The following TMTC1 variants were observed in gnomAD, a reference collection of about 807,000 sequenced individuals.
The protein encoded by TMTC1 is protein O-mannosyl-transferase TMTC1.
Under a neutral mutation model 104.8 loss-of-function variants are expected in TMTC1, and 73 were observed. That is an observed-to-expected ratio of 0.70 (90% CI 0.58 to 0.85). The LOEUF (loss-of-function observed/expected upper bound fraction) is 0.85, where lower values mean the gene tolerates loss of function less well. Among genes scored for constraint, TMTC1 ranks in the 40% least tolerant of loss-of-function variants. The pLI is 0.00. For synonymous variants in TMTC1, 434 were observed against 428.7 expected, an observed-to-expected ratio of 1.01 and a Z score of -0.15; for missense variants, 1,035 against 1,096.1, an observed-to-expected ratio of 0.94 and a Z score of 0.79.
intron 6 of TMTC1, among the ~76,000 whole-genome samples, chr12:29,621,077 CA>C (rs1372191599): frequency 6.6e-6 from 1 of 151,976 alleles, no homozygotes; most frequent in Non-Finnish European, 1.5e-5. Flanking sequence ...ATTGAGGTTA[CA>C]AAAAGAATAG....
intron 5 of TMTC1, among the ~76,000 whole-genome samples, chr12:29,638,901 T>G (rs1938697389): frequency 6.6e-6 from 1 of 152,178 alleles, no homozygotes; most frequent in Non-Finnish European, 1.5e-5. Context: ...GAATTACCAT[T>G]GATGTTTCAA....
In TMTC1 at chr12:29,695,793, T is replaced by TTATATATATATATA. The variant is rs113135039; in HGVS notation, c.938+55859_938+55872dup. Reference sequence around the variant, plus strand: ...TCACAAATTTTAAACTACTTCCTTTTTATATATATATATATATATATATAT... The same window carrying TTATATATATATATA: ...TCACAAATTTTAAACTACTTCCTTTTTATATATATATATATATATATATATATATATATATATAT... On this transcript the variant is annotated intron_variant, in intron 5 of 17. Transcript: ENST00000539277. Among the ~76,000 whole-genome samples, 477 of 83,550 alleles carry TTATATATATATATA rather than the reference T, an allele frequency of 5.7e-3. 13 individuals carry two copies. Among genetic ancestry groups the TTATATATATATATA allele is most frequent in the East Asian group, 8.5e-3 (25 of 2,924 alleles). The allele number at this position is 83,550 out of a possible 152,430, so 54.8% of individuals were successfully genotyped here. A position where few individuals can be genotyped will look rare whatever the true frequency, so the allele number is the denominator to read the frequency against.
intron 5 of TMTC1, among the ~76,000 whole-genome samples, chr12:29,672,831 G>A (rs1022502119): frequency 4.6e-5 from 7 of 152,158 alleles, no homozygotes; most frequent in Non-Finnish European, 1.0e-4. Flanking sequence ...GCAGACAAAG[G>A]CCTGCAGTAA....
intron 5 of TMTC1, among the ~76,000 whole-genome samples, chr12:29,702,487 C>T (rs1183202593): frequency 2.0e-5 from 3 of 152,156 alleles, no homozygotes; most frequent in Non-Finnish European, 4.4e-5. Flanking sequence ...TGGCACATGG[C>T]CCTCTCTGTA....
rs1162086826 is a variant in TMTC1, at chr12:29,553,478, G to T, written c.1676+3379C>A. Among the ~76,000 whole-genome samples the T allele has an allele frequency of 2.0e-5, 3 of 152,156 alleles. No homozygotes were observed. In the East Asian group the frequency reaches 5.8e-4, roughly 29 times the overall value. On this transcript the variant is annotated intron_variant, in intron 10 of 17. Transcript: ENST00000539277. ...TCTATGGTGTAACAGGCAAGAGGAGGTAAACAAGGATAACTTGTTTGGACC... is the reference window on the plus strand; with the variant it reads ...TCTATGGTGTAACAGGCAAGAGGAGTTAAACAAGGATAACTTGTTTGGACC...
At chr12:29,573,448 C>G (rs1945736531) in intron 8 of TMTC1, among the ~76,000 whole-genome samples, 1 of 152,128 alleles carries the variant, frequency 6.6e-6, no homozygotes. Context: ...ACACACTGTG[C>G]CAGGTGCTGG....
At chr12:29,667,854 C>A (rs1940343178) in intron 5 of TMTC1, among the ~76,000 whole-genome samples, 1 of 152,182 alleles carries the variant, frequency 6.6e-6, no homozygotes, top group Non-Finnish European at 1.5e-5. Context: ...TTAATAGGCA[C>A]TAATCACTGT....
At chr12:29,699,539 A>AT (rs1462037793) in intron 5 of TMTC1, among the ~76,000 whole-genome samples, 2 of 152,168 alleles carry the variant, frequency 1.3e-5, no homozygotes, top group East Asian at 3.9e-4. Context: ...GCGACATGTA[A>AT]CCTATTGCAC....
In TMTC1 at chr12:29,557,691, C is replaced by T. The variant is rs138541584; in HGVS notation, c.1533-691G>A. Among the ~76,000 whole-genome samples the T allele has an allele frequency of 7.1e-4, 108 of 151,744 alleles. No homozygotes were observed. In the East Asian group the frequency reaches 0.019, roughly 26 times the overall value. Reference sequence around the variant, plus strand: ...TCTCGAACCCCTGACCTCAGGTGATCCACCTGGCTCAGCCTCCCAAAGTGC... The same window carrying T: ...TCTCGAACCCCTGACCTCAGGTGATTCACCTGGCTCAGCCTCCCAAAGTGC... On this transcript the variant is annotated intron_variant, in intron 9 of 17. Coordinates refer to ENST00000539277, the MANE Select transcript of TMTC1 (RefSeq NM_001193451.2).
At chr12:29,555,837 C>T (rs999466647) in intron 10 of TMTC1, among the ~76,000 whole-genome samples, 19 of 152,074 alleles carry the variant, frequency 1.2e-4, no homozygotes, top group African/African-American at 4.3e-4. Flanking sequence ...TGGGTATATA[C>T]CCAGTAATGG....
At chr12:29,755,176 C>T (rs1383730063) in intron 4 of TMTC1, among the ~76,000 whole-genome samples, 4 of 152,098 alleles carry the variant, frequency 2.6e-5, no homozygotes, top group Non-Finnish European at 5.9e-5. Context: ...ACTAAATAAG[C>T]TTGTTCATTA....
At chr12:29,646,371 T>A (rs1018014393) in intron 5 of TMTC1, among the ~76,000 whole-genome samples, 2 of 152,220 alleles carry the variant, frequency 1.3e-5, no homozygotes, top group Admixed American at 1.3e-4. Flanking sequence ...AAAAGCAATA[T>A]TGGCCTTTAT....
At chr12:29,753,725 G>A (rs956189843) in intron 4 of TMTC1, among the ~76,000 whole-genome samples, 1 of 152,194 alleles carries the variant, frequency 6.6e-6, no homozygotes, top group African/African-American at 2.4e-5. Flanking sequence ...CAACATCTTA[G>A]ATGCTCTTTG....
At chr12:29,721,840 T>A (rs1942245520) in intron 5 of TMTC1, among the ~76,000 whole-genome samples, 1 of 151,944 alleles carries the variant, frequency 6.6e-6, no homozygotes, top group Non-Finnish European at 1.5e-5. Context: ...TTTAAGGAAA[T>A]ATTTCTTTAA....
chr12:29,756,425 A>G (rs1943217777), intron 3 of TMTC1, among the ~76,000 whole-genome samples: 1 of 152,250 alleles, frequency 6.6e-6, no homozygotes, highest in South Asian at 2.1e-4. Context: ...ATATGCTTCC[A>G]TACATAAAAC....
At chr12:29,647,555 G>A (rs750834379) in intron 5 of TMTC1, among the ~76,000 whole-genome samples, 4 of 152,190 alleles carry the variant, frequency 2.6e-5, no homozygotes, top group Non-Finnish European at 5.9e-5. Context: ...CTAAGGTTTT[G>A]TGTCTCTTTA....
chr12:29,624,915 T>C (rs1937897051), intron 6 of TMTC1, among the ~76,000 whole-genome samples: 1 of 152,206 alleles, frequency 6.6e-6, no homozygotes. Flanking sequence ...TTGTTTTCTA[T>C]GATTGAGAAT....
intron 7 of TMTC1, among the ~76,000 whole-genome samples, chr12:29,591,824 G>C (rs1220199261): frequency 6.6e-6 from 1 of 152,180 alleles, no homozygotes; most frequent in East Asian, 1.9e-4. Flanking sequence ...TAAATCTGTT[G>C]TTTGGGAACT....
intron 11 of TMTC1, among the ~76,000 whole-genome samples, chr12:29,526,452 T>C (rs1944347438): frequency 6.6e-6 from 1 of 152,084 alleles, no homozygotes; most frequent in Non-Finnish European, 1.5e-5. Context: ...CTTAAAACAT[T>C]TTAGTGAGAG....
Sources: allele counts gnomAD v4.1 joint callset (sites outside exome capture counted in the v4.1 genomes callset), GRCh38; gene constraint gnomAD v4.1.1; transcripts MANE v1.5; gene names NCBI Gene and HGNC (gene_info 2026-07-23, HGNC 2026-07-21).